The following CTBS variants were observed in gnomAD, a reference collection of about 807,000 sequenced individuals.
CTBS encodes the protein di-N-acetylchitobiase.
A neutral mutation model predicts 44.3 loss-of-function variants in CTBS; 35 were observed. The ratio of observed to expected loss-of-function variants is 0.79; its 90% CI spans 0.60 to 1.05. CTBS has a LOEUF of 1.05. CTBS is among the 50% of genes least tolerant of loss of function. The pLI, the probability that CTBS is intolerant of heterozygous loss-of-function variation, is 0.00. For synonymous variants in CTBS, 143 were observed against 168.0 expected (o/e 0.85, Z 1.15); for missense variants, 458 against 475.3 (o/e 0.96, Z 0.34).
chr1:84,556,688 G>A (rs1684441702), intron 6 of CTBS, among the ~76,000 whole-genome samples: 1 of 133,646 alleles, frequency 7.5e-6, no homozygotes, highest in Non-Finnish European at 1.5e-5. Flanking sequence ...CTCCAGCCTG[G>A]AGACAGAGCA....
rs1684301159 is a variant in CTBS, at chr1:84,552,403, T to G, written c.*2596A>C. The G allele has an allele frequency of 6.6e-6, 1 of 152,150 alleles. No homozygotes were observed. The highest frequency in any genetic ancestry group is 2.1e-4 in the South Asian group (1 of 4,832). 9.4% of individuals were successfully genotyped at this position (152,150 alleles called of 1,614,324 possible). ...TGTCCACAGACAACACTTGGAATAG[T>G]AAGGGCTCTGGTACCAGGTGGTTTG... On this transcript the variant is annotated 3_prime_UTR_variant, in exon 7 of 7. Transcript: ENST00000370630.
chr1:84,560,113 GAAA>G (rs1684562509), intron 6 of CTBS, among the ~76,000 whole-genome samples: 1 of 142,560 alleles, frequency 7.0e-6, no homozygotes, highest in South Asian at 2.2e-4. Context: ...AAGAAAGAAA[GAAA>G]GAAAGAAAGA....
At chr1:84,556,229 G>T (rs1330626205) in intron 6 of CTBS, among the ~76,000 whole-genome samples, 1 of 152,010 alleles carries the variant, frequency 6.6e-6, no homozygotes, top group African/African-American at 2.4e-5. Flanking sequence ...AAAGGAAAAG[G>T]GAAAGGAGCA....
At position 84,572,730 on chromosome 1, in the gene CTBS, A is replaced by T. The variant is rs147904314; in HGVS notation, c.177+1509T>A. Among the ~76,000 whole-genome samples the T allele has an allele frequency of 2.3e-3, 351 of 150,196 alleles. 1 individual carries two copies. The highest frequency in any genetic ancestry group is 3.8e-3 in the Non-Finnish European group (257 of 67,616). ...GCCCAGGCTGGAGTGCAGTGGCGTG[A>T]TCTTGGCTAACTGCAACCTTCCGCC... On this transcript the variant is annotated intron_variant, in intron 1 of 6. Transcript: ENST00000370630.
chr1:84,571,585 A>T (rs1056406787), intron 1 of CTBS, among the ~76,000 whole-genome samples: 1 of 152,196 alleles, frequency 6.6e-6, no homozygotes, highest in African/African-American at 2.4e-5. Flanking sequence ...TTTTATTCCA[A>T]GGCATTAATT....
At chr1:84,564,644 C>G (rs1470347183) in intron 4 of CTBS, among the ~76,000 whole-genome samples, 1 of 152,182 alleles carries the variant, frequency 6.6e-6, no homozygotes, top group Non-Finnish European at 1.5e-5. Context: ...AGGCTTGAAC[C>G]TTTTATTGAT....
At chr1:84,564,402 A>T (rs1380368139) in intron 4 of CTBS, among the ~76,000 whole-genome samples, 1 of 152,224 alleles carries the variant, frequency 6.6e-6, no homozygotes, top group African/African-American at 2.4e-5. Context: ...CCACCAAGAC[A>T]TATTCACAGA....
chr1:84,574,002 G>A, intron 1 of CTBS: 4 of 1,390,088 alleles, frequency 2.9e-6, no homozygotes, highest in Non-Finnish European at 3.7e-6. Context: ...GATCTGGTTT[G>A]AACTCTCGCC....
chr1:84,556,620 G>A (rs1051485188), intron 6 of CTBS, among the ~76,000 whole-genome samples: 1 of 149,126 alleles, frequency 6.7e-6, no homozygotes, highest in Non-Finnish European at 1.5e-5. Context: ...GCTGAGGCAG[G>A]AGAATTGCTT....
chr1:84,572,527 G>T (rs1421773713), intron 1 of CTBS, among the ~76,000 whole-genome samples: 1 of 151,238 alleles, frequency 6.6e-6, no homozygotes, highest in Non-Finnish European at 1.5e-5. Context: ...CATAGAAAAC[G>T]CCAGTAGAGA....
At chr1:84,570,943 GC>G (rs1647285181) in intron 1 of CTBS, among the ~76,000 whole-genome samples, 1 of 152,148 alleles carries the variant, frequency 6.6e-6, no homozygotes, top group Non-Finnish European at 1.5e-5. Flanking sequence ...AAGTGCCAAG[GC>G]CTGGAGGCAG....
At position 84,574,267 on chromosome 1, in the gene CTBS, C is replaced by A. The variant is rs773921710; in HGVS notation, c.149G>T (p.Arg50Leu). 7 of 1,599,910 alleles carry A rather than the reference C, an allele frequency of 4.4e-6. No individual in the cohort carries two copies. Among genetic ancestry groups the A allele is most frequent in the South Asian group, 1.1e-5 (1 of 89,118 alleles). ...GAAATCTGGATGGTGGCGAATCGGGCGGCAGAGCTCAGGCTCCGGGCATGG... is the reference window on the plus strand; with the variant it reads ...GAAATCTGGATGGTGGCGAATCGGGAGGCAGAGCTCAGGCTCCGGGCATGG... ...DCPCPEPELC[R>L]PIRHHPDFEV... Residue 50 changes from arginine to leucine, a missense_variant, in exon 1 of 7, where the codon CGC becomes CTC. Arg to Leu is a moderately radical substitution (Grantham distance 102, BLOSUM62 -2). Transcript: ENST00000370630.
chr1:84,560,800 A>G (rs1175900211), intron 6 of CTBS, among the ~76,000 whole-genome samples: 4 of 152,228 alleles, frequency 2.6e-5, no homozygotes, highest in Admixed American at 2.6e-4. Context: ...CCTGTGATCT[A>G]TAAATGGAAT....
chr1:84,557,098 A>G (rs894257533), intron 6 of CTBS, among the ~76,000 whole-genome samples: 2 of 152,344 alleles, frequency 1.3e-5, no homozygotes, highest in Admixed American at 1.3e-4. Flanking sequence ...TGTAAGACTA[A>G]TTTATGCATG....
At chr1:84,573,897 CAT>C in intron 1 of CTBS, 1 of 1,157,110 alleles carries the variant, frequency 8.6e-7, no homozygotes, top group Non-Finnish European at 1.1e-6. Flanking sequence ...TCCTTGGAAA[CAT>C]AAATGGATTA....
At position 84,553,075 on chromosome 1, in the gene CTBS, CTG is replaced by C. The variant is rs1558618819; in HGVS notation, c.*1922_*1923del. 2.0e-6 allele frequency: 3 copies of C among 1,528,754 alleles called. No homozygotes were observed. The highest frequency in any genetic ancestry group is 2.8e-5 in the African/African-American group (2 of 71,436). The allele number at this position is 1,528,754 out of a possible 1,614,324, so 94.7% of individuals were successfully genotyped here. A position where few individuals can be genotyped will look rare whatever the true frequency, so the allele number is the denominator to read the frequency against. On this transcript the variant is annotated 3_prime_UTR_variant, in exon 7 of 7. Coordinates refer to ENST00000370630, the MANE Select transcript of CTBS (RefSeq NM_004388.3). Reference sequence around the variant, plus strand: ...GTTTCAGATTTACGAACATTGAAAACTGAACTGGCACAGAAAAAAAAAATAAT... The same window carrying C: ...GTTTCAGATTTACGAACATTGAAAACAACTGGCACAGAAAAAAAAAATAAT...
chr1:84,551,172 G>C lies in CTBS; in HGVS notation c.*3827C>G. On this transcript the variant is annotated 3_prime_UTR_variant, in exon 7 of 7. Coordinates refer to ENST00000370630, the MANE Select transcript of CTBS (RefSeq NM_004388.3). Reference sequence around the variant, plus strand: ...AAGCTTTTTTGTTGAACAGAAAACAGAAGATTATACATTTTCATACAAGTA... The same window carrying C: ...AAGCTTTTTTGTTGAACAGAAAACACAAGATTATACATTTTCATACAAGTA... 1 of 985,180 alleles carries C rather than the reference G, an allele frequency of 1.0e-6. No individual in the cohort carries two copies. The highest frequency in any genetic ancestry group is 1.2e-6 in the Non-Finnish European group (1 of 829,800). 61.0% of individuals were successfully genotyped at this position (985,180 alleles called of 1,614,324 possible).
At chr1:84,569,264 T>C (rs1647222237) in intron 3 of CTBS, among the ~76,000 whole-genome samples, 1 of 152,140 alleles carries the variant, frequency 6.6e-6, no homozygotes, top group Admixed American at 6.5e-5. Flanking sequence ...AAAAATCATT[T>C]CTGGGAGTGA....
intron 1 of CTBS, 129 bp downstream of exon 1, chr1:84,574,110 G>A: frequency 1.3e-6 from 2 of 1,492,140 alleles, no homozygotes; most frequent in South Asian, 2.6e-5. Flanking sequence ...TCCGTAAACA[G>A]GAAGGCCCTC....
Sources: gnomAD v4.1 joint callset for allele counts (sites outside exome capture counted in the v4.1 genomes callset) on GRCh38, gnomAD v4.1.1 for gene constraint, MANE v1.5 for transcripts, NCBI Gene and HGNC (gene_info 2026-07-23, HGNC 2026-07-21) for gene names.